The following GLRA1 variants were observed in gnomAD, a reference collection of about 807,000 sequenced individuals.
The protein encoded by GLRA1 is glycine receptor subunit alpha-1.
A neutral mutation model predicts 48.3 loss-of-function variants in GLRA1; 37 were observed. The ratio of observed to expected loss-of-function variants is 0.77; its 90% CI spans 0.59 to 1.01. GLRA1 has a LOEUF of 1.01. GLRA1 is among the 50% of genes least tolerant of loss of function. The pLI is 0.00. For missense variants in GLRA1, 427 were observed against 571.0 expected, an observed-to-expected ratio of 0.75 and a Z score of 2.57; for synonymous variants, 196 against 210.7, an observed-to-expected ratio of 0.93 and a Z score of 0.60.
chr5:151,901,698 A>G (rs187451111), intron 1 of GLRA1, among the ~76,000 whole-genome samples: 1 of 152,350 alleles, frequency 6.6e-6, no homozygotes, highest in East Asian at 1.9e-4. Flanking sequence ...GCCTGGGAGT[A>G]TAGATATTGA....
intron 1 of GLRA1, among the ~76,000 whole-genome samples, chr5:151,905,493 G>A (rs552704911): frequency 1.3e-5 from 2 of 151,896 alleles, no homozygotes; most frequent in South Asian, 4.2e-4. Flanking sequence ...CAATTGATAG[G>A]CATTTATATT....
chr5:151,888,081 G>C (rs1340394855), intron 2 of GLRA1, among the ~76,000 whole-genome samples: 2 of 152,242 alleles, frequency 1.3e-5, no homozygotes, highest in African/African-American at 4.8e-5. Context: ...GTAGCACCAA[G>C]AGTTTTAGTA....
At chr5:151,890,467 A>G (rs1561573710) in intron 2 of GLRA1, among the ~76,000 whole-genome samples, 2 of 152,230 alleles carry the variant, frequency 1.3e-5, no homozygotes, top group Non-Finnish European at 2.9e-5. Context: ...AGAGAGGGAC[A>G]GAGGATGCAA....
At chr5:151,835,294 C>CA (rs1448669433) in intron 7 of GLRA1, among the ~76,000 whole-genome samples, 1 of 151,824 alleles carries the variant, frequency 6.6e-6, no homozygotes, top group Non-Finnish European at 1.5e-5. Context: ...ACCTACCAAC[C>CA]AAAAAAAGCC....
At chr5:151,827,969 G>A (rs976105733) in intron 8 of GLRA1, among the ~76,000 whole-genome samples, 122 of 152,086 alleles carry the variant, frequency 8.0e-4, no homozygotes, top group Non-Finnish European at 4.1e-4. Context: ...CTCACTATAT[G>A]TTAGGCATTG....
chr5:151,855,266 A>G lies in GLRA1; in HGVS notation c.560-89T>C. ...ATTGGTTAGGGTTAGAGACTGAGAG[A>G]GACATCAGACACTTGATGGAACTTG... On this transcript the variant is annotated intron_variant, in intron 5 of 8. Coordinates refer to ENST00000274576, the MANE Select transcript of GLRA1 (RefSeq NM_000171.4). The G allele has an allele frequency of 2.4e-6, 3 of 1,264,238 alleles. No homozygotes were observed. In the East Asian group the frequency reaches 6.9e-5, roughly 29 times the overall value. The allele number at this position is 1,264,238 out of a possible 1,614,324, so 78.3% of individuals were successfully genotyped here.
intron 1 of GLRA1, among the ~76,000 whole-genome samples, chr5:151,922,183 C>T (rs1439684962): frequency 6.6e-6 from 1 of 152,152 alleles, no homozygotes; most frequent in East Asian, 1.9e-4. Flanking sequence ...GCCATTCCAA[C>T]ACAGCACCCA....
chr5:151,864,543 C>T (rs552394861), intron 3 of GLRA1, among the ~76,000 whole-genome samples: 36 of 152,342 alleles, frequency 2.4e-4, no homozygotes, highest in Non-Finnish European at 4.3e-4. Context: ...TTGTGATTTA[C>T]GTCACATGGT....
chr5:151,827,232 A>G (rs539531187), intron 8 of GLRA1, among the ~76,000 whole-genome samples: 3 of 151,958 alleles, frequency 2.0e-5, no homozygotes, highest in African/African-American at 7.2e-5. Flanking sequence ...TAGAGTAACT[A>G]AAACTAGGGG....
chr5:151,831,044 G>A lies in GLRA1; in HGVS notation c.913-1977C>T, dbSNP rs146223149. ...GTCACCTCACCCAGAAAGCACAAGG[G>A]GTTGGGGATCTCCCTCCCCTGGCCA... On this transcript the variant is annotated intron_variant, in intron 7 of 8. Coordinates refer to ENST00000274576, the MANE Select transcript of GLRA1 (RefSeq NM_000171.4). Among the ~76,000 whole-genome samples, 799 of 152,322 alleles carry A rather than the reference G, an allele frequency of 5.2e-3. 9 individuals carry two copies. Among genetic ancestry groups the A allele is most frequent in the African/African-American group, 0.018 (752 of 41,566 alleles).
chr5:151,880,892 C>G (rs1753744644), intron 3 of GLRA1, among the ~76,000 whole-genome samples: 1 of 152,226 alleles, frequency 6.6e-6, no homozygotes, highest in African/African-American at 2.4e-5. Flanking sequence ...ATAATACACT[C>G]CATGCACATT....
intron 8 of GLRA1, among the ~76,000 whole-genome samples, chr5:151,823,426 G>C (rs1763193292): frequency 6.6e-6 from 1 of 152,146 alleles, no homozygotes. Flanking sequence ...AGGACAATTT[G>C]GACAGATCCC....
chr5:151,918,742 A>C (rs554648475), intron 1 of GLRA1, among the ~76,000 whole-genome samples: 21 of 152,288 alleles, frequency 1.4e-4, no homozygotes, highest in Non-Finnish European at 2.2e-4. Flanking sequence ...AATTCCTTCT[A>C]TGTCTTTCCT....
At chr5:151,877,490 A>C (rs1303768390) in intron 3 of GLRA1, among the ~76,000 whole-genome samples, 3 of 152,210 alleles carry the variant, frequency 2.0e-5, no homozygotes, top group Non-Finnish European at 4.4e-5. Context: ...AAATAAAAAC[A>C]AGCAAATAAC....
chr5:151,843,470 T>A (rs1752564758), intron 7 of GLRA1, among the ~76,000 whole-genome samples: 2 of 151,820 alleles, frequency 1.3e-5, no homozygotes, highest in African/African-American at 2.4e-5. Flanking sequence ...ACCATGTTAG[T>A]CAGGATGGTC....
intron 1 of GLRA1, among the ~76,000 whole-genome samples, chr5:151,900,665 G>A (rs754946710): frequency 1.3e-5 from 2 of 151,948 alleles, no homozygotes; most frequent in African/African-American, 2.4e-5. Context: ...TTATATTGAC[G>A]TTTTCTTTTT....
Position 151,849,452 on chromosome 5 carries a change from T to TTTCCTTTCCTTTCCCTTCCTTCCTTCC in GLRA1, c.912+1937_912+1938insGGAAGGAAGGAAGGGAAAGGAAAGGAA, listed in dbSNP as rs1561555110. Among the ~76,000 whole-genome samples the TTTCCTTTCCTTTCCCTTCCTTCCTTCC allele has an allele frequency of 1.3e-4, 2 of 15,654 alleles. 1 individual carries two copies. The highest frequency in any genetic ancestry group is 7.6e-4 in the African/African-American group (2 of 2,636). The allele number at this position is 15,654 out of a possible 152,430, so 10.3% of individuals were successfully genotyped here. On this transcript the variant is annotated intron_variant, in intron 7 of 8. Transcript: ENST00000274576. ...TTTCCTTTCCTTTCCTTTCCTTTCCTTTCCTTCCTTCCTTCCTTCCTTCCT... is the reference window on the plus strand; with the variant it reads ...TTTCCTTTCCTTTCCTTTCCTTTCCTTTCCTTTCCTTTCCCTTCCTTCCTTCCTTCCTTCCTTCCTTCCTTCCTTCCT...
At chr5:151,909,831 C>T (rs1345961876) in intron 1 of GLRA1, among the ~76,000 whole-genome samples, 2 of 152,202 alleles carry the variant, frequency 1.3e-5, no homozygotes, top group East Asian at 1.9e-4. Flanking sequence ...AGTCCCTTTC[C>T]CTCTGGCCAC....
At chr5:151,830,505 G>A (rs1191847011) in intron 7 of GLRA1, among the ~76,000 whole-genome samples, 4 of 152,224 alleles carry the variant, frequency 2.6e-5, no homozygotes, top group African/African-American at 9.6e-5. Flanking sequence ...GGGAAGACTT[G>A]AGATGGCTCT....
Sources: gnomAD v4.1 joint callset for allele counts (sites outside exome capture counted in the v4.1 genomes callset) on GRCh38, gnomAD v4.1.1 for gene constraint, MANE v1.5 for transcripts, NCBI Gene and HGNC (gene_info 2026-07-23, HGNC 2026-07-21) for gene names.